Variants in PAMR1 observed in about 807,000 individuals in gnomAD.
PAMR1 encodes inactive serine protease PAMR1.
A neutral mutation model predicts 81.8 loss-of-function variants in PAMR1; 88 were observed. That is an observed-to-expected ratio of 1.08 (90% CI 0.91 to 1.28). PAMR1 has a LOEUF of 1.28. Among genes scored for constraint, PAMR1 ranks in the 50% most tolerant of loss-of-function variants. The pLI, the probability that PAMR1 is intolerant of heterozygous loss-of-function variation, is 0.00. For missense variants in PAMR1, 935 were observed against 919.7 expected (o/e 1.02, Z -0.21); for synonymous variants, 336 against 345.3 (o/e 0.97, Z 0.30).
At chr11:35,453,237 A>C (rs1477494080) in intron 6 of PAMR1, 1 of 152,194 alleles carries the variant, frequency 6.6e-6, no homozygotes, top group East Asian at 1.9e-4. Context: ...CAATTTCCCA[A>C]ATATATCTTA....
At chr11:35,458,603 C>A (rs756303711) in intron 6 of PAMR1, among the ~76,000 whole-genome samples, 1 of 152,152 alleles carries the variant, frequency 6.6e-6, no homozygotes, top group East Asian at 1.9e-4. Flanking sequence ...CCAGAGTCAG[C>A]AAAATTGATG....
Position 35,473,041 on chromosome 11 carries a change from G to T in PAMR1, c.494+1589C>A, listed in dbSNP as rs138712095. ...AGGGCATGACAGAATCTCAGTGGGAGATGGGTGTGGCTTGAAGCAGAATGG... is the reference window on the plus strand; with the variant it reads ...AGGGCATGACAGAATCTCAGTGGGATATGGGTGTGGCTTGAAGCAGAATGG... On this transcript the variant is annotated intron_variant, in intron 4 of 10. Transcript: ENST00000619888. Among the ~76,000 whole-genome samples, 704 of 152,320 alleles carry T rather than the reference G, an allele frequency of 4.6e-3. 2 individuals carry two copies. Among genetic ancestry groups the T allele is most frequent in the African/African-American group, 0.016 (647 of 41,570 alleles).
At chr11:35,436,221 TA>T in intron 8 of PAMR1, 86 bp from the exon 9 acceptor site, 1 of 799,690 alleles carries the variant, frequency 1.3e-6, no homozygotes. Flanking sequence ...ATGTCCCATG[TA>T]GATATTTGTT....
chr11:35,456,031 T>G (rs1565333581), intron 6 of PAMR1, among the ~76,000 whole-genome samples: 7 of 152,202 alleles, frequency 4.6e-5, no homozygotes. Flanking sequence ...TGAAGGGATG[T>G]CACTGCAGGA....
chr11:35,460,873 C>T (rs1856638833), intron 6 of PAMR1, among the ~76,000 whole-genome samples: 1 of 152,092 alleles, frequency 6.6e-6, no homozygotes, highest in South Asian at 2.1e-4. Flanking sequence ...AGTTCTAGAT[C>T]CCTGAGGAAT....
chr11:35,479,432 G>T (rs1480744310), intron 3 of PAMR1, among the ~76,000 whole-genome samples: 2 of 152,322 alleles, frequency 1.3e-5, no homozygotes, highest in East Asian at 3.9e-4. Flanking sequence ...ATGAGATATT[G>T]TATGTAAAGC....
intron 1 of PAMR1, among the ~76,000 whole-genome samples, chr11:35,498,626 C>T (rs908267011): frequency 6.6e-6 from 1 of 152,188 alleles, no homozygotes; most frequent in African/African-American, 2.4e-5. Context: ...ATCGCTTTTG[C>T]AGTAACCCTC....
intron 3 of PAMR1, among the ~76,000 whole-genome samples, chr11:35,487,219 A>G (rs1850527678): frequency 7.1e-6 from 1 of 140,974 alleles, no homozygotes; most frequent in African/African-American, 2.5e-5. Flanking sequence ...TACCCAGAAA[A>G]AAAAAAAAAA....
At chr11:35,520,923 G>C (rs929671824) in intron 1 of PAMR1, among the ~76,000 whole-genome samples, 3 of 152,182 alleles carry the variant, frequency 2.0e-5, no homozygotes, top group Non-Finnish European at 4.4e-5. Context: ...GGCCATTTCT[G>C]TCTAGCCAGT....
chr11:35,483,624 C>G (rs1009292851), intron 3 of PAMR1, among the ~76,000 whole-genome samples: 2 of 152,160 alleles, frequency 1.3e-5, no homozygotes, highest in Admixed American at 1.3e-4. Context: ...TCCCGAATCT[C>G]TTGCTCATCC....
chr11:35,441,071 G>C lies in PAMR1; in HGVS notation c.1033+410C>G, dbSNP rs558859706. 3.9e-5 allele frequency among the ~76,000 whole-genome samples: 6 copies of C among 152,280 alleles called. No homozygotes were observed. The East Asian group carries it at 1.2e-3, about 29-fold the overall frequency. ...TTCAATCCTCCCCCTCCATAGGCTG[G>C]CAGGGATGATGTGTCTATTTTGTTC... On this transcript the variant is annotated intron_variant, in intron 7 of 10. Coordinates refer to ENST00000619888, the MANE Select transcript of PAMR1 (RefSeq NM_001001991.3).
At chr11:35,510,645 G>C (rs895237798) in intron 1 of PAMR1, among the ~76,000 whole-genome samples, 1 of 152,096 alleles carries the variant, frequency 6.6e-6, no homozygotes, top group African/African-American at 2.4e-5. Context: ...TCCACATGTA[G>C]GTATTAACAA....
chr11:35,446,348 G>C (rs11525350), intron 6 of PAMR1, among the ~76,000 whole-genome samples: 55,623 of 152,000 alleles, frequency 0.37, 10,533 homozygotes, highest in African/African-American at 0.46. Flanking sequence ...CAGTTCTGCT[G>C]TGATCTTGGT....
At chr11:35,465,861 G>C (rs1369350097) in intron 6 of PAMR1, among the ~76,000 whole-genome samples, 1 of 152,174 alleles carries the variant, frequency 6.6e-6, no homozygotes, top group African/African-American at 2.4e-5. Flanking sequence ...TTATGAATCA[G>C]TTCATAGTGA....
At chr11:35,516,595 G>C (rs1254816252) in intron 1 of PAMR1, among the ~76,000 whole-genome samples, 1 of 152,176 alleles carries the variant, frequency 6.6e-6, no homozygotes, top group Non-Finnish European at 1.5e-5. Flanking sequence ...ATGACAACAA[G>C]AACAATATTT....
intron 9 of PAMR1, 113 bp downstream of exon 9, chr11:35,435,790 C>G (rs1442132039): frequency 5.3e-6 from 4 of 755,116 alleles, no homozygotes; most frequent in Non-Finnish European, 9.0e-6. Context: ...TCAGATATCA[C>G]CAAACTAGAG....
At chr11:35,522,811 T>C (rs1175751405) in intron 1 of PAMR1, among the ~76,000 whole-genome samples, 1 of 152,218 alleles carries the variant, frequency 6.6e-6, no homozygotes, top group Non-Finnish European at 1.5e-5. Context: ...CTGAACCTCA[T>C]CTGTAAAACA....
chr11:35,456,005 A>G (rs1856522769), intron 6 of PAMR1, among the ~76,000 whole-genome samples: 1 of 152,196 alleles, frequency 6.6e-6, no homozygotes, highest in African/African-American at 2.4e-5. Flanking sequence ...GAGAGTTAAT[A>G]GTTCCAACTA....
At position 35,444,975 on chromosome 11, in the gene PAMR1, TG is replaced by T. The variant is rs386752438; in HGVS notation, c.821-3283del. 6.2e-3 allele frequency among the ~76,000 whole-genome samples: 949 copies of T among 152,350 alleles called. 9 individuals carry two copies. The highest frequency in any genetic ancestry group is 0.022 in the African/African-American group (908 of 41,586). ...TATTGATTTTTCCTATCCATGAGCG[TG>T]GAATGTTTTTCCATTTGTTTGTGTC... On this transcript the variant is annotated intron_variant, in intron 6 of 10. Coordinates refer to ENST00000619888, the MANE Select transcript of PAMR1 (RefSeq NM_001001991.3).
Sources: gnomAD v4.1 joint callset for allele counts (sites outside exome capture counted in the v4.1 genomes callset) on GRCh38, gnomAD v4.1.1 for gene constraint, MANE v1.5 for transcripts, NCBI Gene and HGNC (gene_info 2026-07-23, HGNC 2026-07-21) for gene names.